DIS3L2: variants seen among roughly 807,000 people sequenced by gnomAD.
DIS3L2 encodes DIS3 like 3'-5' exoribonuclease 2.
Under a neutral mutation model 97.5 loss-of-function variants are expected in DIS3L2, and 34 were observed. That is an observed-to-expected ratio of 0.35 (90% confidence interval 0.27 to 0.46). DIS3L2 has a LOEUF of 0.46. Among genes scored for constraint, DIS3L2 ranks in the 20% least tolerant of loss-of-function variants. The probability of loss-of-function intolerance (pLI) is 1.00; values close to 1 mark genes in which losing one functional copy is unlikely to be tolerated. For missense variants in DIS3L2, 1,038 were observed against 1,146.0 expected (o/e 0.91, Z 1.36); for synonymous variants, 435 against 445.2 (o/e 0.98, Z 0.29).
chr2:232,258,964 G>C (rs1207862683), intron 12 of DIS3L2, among the ~76,000 whole-genome samples: 3 of 152,252 alleles, frequency 2.0e-5, no homozygotes, highest in East Asian at 3.9e-4. Flanking sequence ...CCCTGGCCTA[G>C]TCATTTTTTA....
chr2:232,130,729 T>G lies in DIS3L2; in HGVS notation c.702+10T>G, dbSNP rs184764939. 3.7e-3 allele frequency: 5,927 copies of G among 1,613,292 alleles called. 26 individuals are homozygous for G. Among genetic ancestry groups the G allele is most frequent in the Non-Finnish European group, 3.3e-3 (3,914 of 1,179,644 alleles). ...GCAAAGATCAGCAAAGGTCATTGCC[T>G]ACAGATTTTCTCCACGTGTCCAAAT... is the stretch of plus-strand genomic sequence containing the variant. On this transcript the variant is annotated intron_variant, in intron 7 of 20. Coordinates refer to ENST00000325385, the MANE Select transcript of DIS3L2 (RefSeq NM_152383.5).
At chr2:232,035,663 GC>G (rs1397294126) in intron 5 of DIS3L2, among the ~76,000 whole-genome samples, 1 of 152,048 alleles carries the variant, frequency 6.6e-6, no homozygotes, top group Non-Finnish European at 1.5e-5. Flanking sequence ...CATATTTAGT[GC>G]TTCCTTCAGG....
At chr2:232,330,104 C>G in intron 15 of DIS3L2, 108 bp downstream of exon 15, 1 of 1,356,352 alleles carries the variant, frequency 7.4e-7, no homozygotes, top group Non-Finnish European at 9.9e-7. Context: ...AGTCCCTCCC[C>G]TTCAGCCAGG....
intron 9 of DIS3L2, among the ~76,000 whole-genome samples, chr2:232,172,344 T>G (rs1187761724): frequency 1.3e-5 from 2 of 152,202 alleles, no homozygotes; most frequent in South Asian, 4.1e-4. Context: ...GTTTTCAGTC[T>G]CTGTGGATTT....
chr2:232,238,365 G>C (rs1301847141), intron 10 of DIS3L2, among the ~76,000 whole-genome samples, 168 bp from the exon 11 acceptor site: 2 of 152,132 alleles, frequency 1.3e-5, no homozygotes. Flanking sequence ...ACAGTAGTGC[G>C]GGTCACAGAG....
At chr2:232,191,299 G>A (rs1296349116) in intron 9 of DIS3L2, among the ~76,000 whole-genome samples, 1 of 152,166 alleles carries the variant, frequency 6.6e-6, no homozygotes, top group Non-Finnish European at 1.5e-5. Flanking sequence ...TGCCTTCAGA[G>A]CCTGAGGCAC....
At chr2:232,113,952 A>G (rs1041954515) in intron 6 of DIS3L2, among the ~76,000 whole-genome samples, 4 of 152,124 alleles carry the variant, frequency 2.6e-5, no homozygotes, top group Non-Finnish European at 5.9e-5. Context: ...TGCTTGAGAT[A>G]TTTTGCAGAC....
At chr2:232,242,886 C>T (rs1230381825) in intron 11 of DIS3L2, among the ~76,000 whole-genome samples, 1 of 152,198 alleles carries the variant, frequency 6.6e-6, no homozygotes, top group Non-Finnish European at 1.5e-5. Context: ...TTTTCTGCTG[C>T]CTGAAGTGCT....
chr2:232,136,384 G>C, intron 7 of DIS3L2, 88 bp from the exon 8 acceptor site: 3 of 1,526,564 alleles, frequency 2.0e-6, no homozygotes, highest in South Asian at 1.3e-5. Context: ...GTTCCTGCTA[G>C]TTGATCAAAT....
rs374857349 is a variant in DIS3L2 at position 232,129,500 on chromosome 2, G to A, written c.602-1119G>A. Among the ~76,000 whole-genome samples, 15 of 152,322 alleles carry A rather than the reference G, an allele frequency of 9.8e-5. No homozygotes were observed. The South Asian group carries it at 2.7e-3, about 27-fold the overall frequency. ...TGATAGAGAGGGCAATCTACGATAG[G>A]AAAGTTTGTGTTTGCTTTTACTTTT... On this transcript the variant is annotated intron_variant, in intron 6 of 20. Transcript: ENST00000325385.
At chr2:232,068,353 C>G (rs1695908062) in intron 5 of DIS3L2, among the ~76,000 whole-genome samples, 1 of 150,716 alleles carries the variant, frequency 6.6e-6, no homozygotes, top group East Asian at 1.9e-4. Context: ...AGGAGGATCG[C>G]TTGAGCCCAG....
In DIS3L2 at chr2:232,293,082, G is replaced by C. The variant is rs1004881332; in HGVS notation, c.1660-6958G>C. On this transcript the variant is annotated intron_variant, in intron 13 of 20. Transcript: ENST00000325385. The surrounding 1 kb of genome is among the most constrained non-coding windows in gnomAD (Gnocchi z 4.6). ...GCTCTGTGGGTGGTCCCTGCAGGTG[G>C]TGATTAGGGCCAGAGCGCTGCTGCT... Among the ~76,000 whole-genome samples the C allele has an allele frequency of 6.6e-5, 10 of 152,096 alleles. No homozygotes were observed. The highest frequency in any genetic ancestry group is 2.9e-5 in the Non-Finnish European group (2 of 68,028).
intron 10 of DIS3L2, among the ~76,000 whole-genome samples, chr2:232,223,090 G>C (rs1328171803): frequency 1.3e-5 from 2 of 152,148 alleles, no homozygotes; most frequent in Non-Finnish European, 2.9e-5. Context: ...TTGGACTGTT[G>C]TGTGTTCATC....
intron 13 of DIS3L2, among the ~76,000 whole-genome samples, chr2:232,295,212 C>T (rs190435184): frequency 1.0e-3 from 155 of 152,320 alleles, no homozygotes; most frequent in Non-Finnish European, 1.6e-3. Context: ...ATGCTCTGCC[C>T]AGGTCAACTG....
rs1463673657 is a variant in DIS3L2, at chr2:232,325,424, G to T, written c.1740-4389G>T. Among the ~76,000 whole-genome samples the T allele has an allele frequency of 1.3e-5, 2 of 152,222 alleles. No homozygotes were observed. Among genetic ancestry groups the T allele is most frequent in the Non-Finnish European group, 2.9e-5 (2 of 68,024 alleles). ...AGTGTGTACCGTGTGCGGGGGGCTG[G>T]TGGCCTTTCTCTGCTGTCTGCCACA... is the stretch of plus-strand genomic sequence containing the variant. On this transcript the variant is annotated intron_variant, in intron 14 of 20. Coordinates refer to ENST00000325385, the MANE Select transcript of DIS3L2 (RefSeq NM_152383.5). This position sits in a 1 kb window ranked among gnomAD's most constrained non-coding sequence, Gnocchi z 4.6.
chr2:232,064,693 C>T (rs939745323), intron 5 of DIS3L2, among the ~76,000 whole-genome samples: 6 of 152,164 alleles, frequency 3.9e-5, no homozygotes, highest in African/African-American at 1.4e-4. Context: ...TTTACATCCT[C>T]ACCACCACAT....
intron 12 of DIS3L2, among the ~76,000 whole-genome samples, chr2:232,255,602 C>T (rs1693538713): frequency 1.3e-5 from 2 of 152,124 alleles, no homozygotes; most frequent in South Asian, 4.1e-4. Context: ...ATATTTCTCA[C>T]ATGTTGGTTG....
chr2:232,248,535 A>G (rs1693328514), intron 11 of DIS3L2, among the ~76,000 whole-genome samples: 1 of 152,268 alleles, frequency 6.6e-6, no homozygotes, highest in African/African-American at 2.4e-5. Flanking sequence ...ACTGCAAGTC[A>G]TCATTTGAAA....
intron 9 of DIS3L2, among the ~76,000 whole-genome samples, chr2:232,200,179 A>G (rs1173383437): frequency 6.6e-6 from 1 of 152,212 alleles, no homozygotes; most frequent in African/African-American, 2.4e-5. Flanking sequence ...ACTTTATGGT[A>G]TTAGATTTCA....
Sources: gnomAD v4.1 joint callset for allele counts (sites outside exome capture counted in the v4.1 genomes callset) on GRCh38, gnomAD v4.1.1 for gene constraint, Gnocchi (gnomAD v3.1) non-coding constraint, MANE v1.5 for transcripts, NCBI Gene and HGNC (gene_info 2026-07-23, HGNC 2026-07-21) for gene names.